Variants in CBLN2 observed in about 807,000 individuals in gnomAD.
CBLN2 encodes cerebellin-2.
In CBLN2, 7 loss-of-function variants were observed where a neutral mutation model predicts 15.0. That is an observed-to-expected ratio of 0.47 (90% CI 0.27 to 0.88). CBLN2 has a LOEUF of 0.88. Among genes scored for constraint, CBLN2 ranks in the 40% least tolerant of loss-of-function variants. The pLI is 0.14. For missense variants in CBLN2, 242 were observed against 304.5 expected (o/e 0.79, Z 1.53); for synonymous variants, 149 against 135.2 (o/e 1.10, Z -0.71).
rs2069372925 is a variant in CBLN2 at position 72,577,080 on chromosome 18, G to C, written c.16-38308C>G. ...TGTGAATATTTAGAATTATAAAAAG[G>C]ATTCGGTCCTTAAAAATTATATGTA... On this transcript the variant is annotated intron_variant, in intron 1 of 2. Transcript: ENST00000581073. Among the ~76,000 whole-genome samples the C allele has an allele frequency of 2.7e-5, 4 of 148,122 alleles. No homozygotes were observed. The South Asian group carries it at 8.4e-4, about 31-fold the overall frequency.
intron 1 of CBLN2, among the ~76,000 whole-genome samples, chr18:72,582,646 T>C (rs73966260): frequency 0.017 from 2,640 of 152,230 alleles, 72 homozygotes; most frequent in African/African-American, 0.06. Context: ...CACACATCCT[T>C]TAATAATTGC....
chr18:72,565,613 A>C (rs912610099), intron 1 of CBLN2, among the ~76,000 whole-genome samples: 1 of 152,190 alleles, frequency 6.6e-6, no homozygotes, highest in Non-Finnish European at 1.5e-5. Flanking sequence ...GCCCCATAAT[A>C]ACAACACATA....
chr18:72,613,200 G>GT (rs1306456130), intron 1 of CBLN2, among the ~76,000 whole-genome samples: 3 of 152,106 alleles, frequency 2.0e-5, no homozygotes, highest in African/African-American at 7.2e-5. Context: ...ATTTCCATAC[G>GT]TGATCACATT....
intron 1 of CBLN2, among the ~76,000 whole-genome samples, chr18:72,624,691 G>C (rs2069723198): frequency 1.3e-5 from 2 of 151,938 alleles, no homozygotes; most frequent in Admixed American, 6.6e-5. Context: ...TCCTGTCTTT[G>C]GTACATCACA....
chr18:72,538,818 C>G (rs756576533), intron 3 of CBLN2, 46 bp from the exon 4 acceptor site: 59 of 1,601,294 alleles, frequency 3.7e-5, no homozygotes, highest in South Asian at 6.7e-5. Context: ...AGCCCCTCCT[C>G]GGTGTATGTT....
chr18:72,576,663 T>C (rs1051795922), intron 1 of CBLN2, among the ~76,000 whole-genome samples: 1 of 152,098 alleles, frequency 6.6e-6, no homozygotes, highest in Non-Finnish European at 1.5e-5. Flanking sequence ...TTATTTAGTA[T>C]CTATTCTGTG....
At chr18:72,625,763 T>C (rs2069732636) in intron 1 of CBLN2, among the ~76,000 whole-genome samples, 1 of 136,346 alleles carries the variant, frequency 7.3e-6, no homozygotes, top group Admixed American at 8.0e-5. Context: ...CTGAAGAGTA[T>C]ATATATATGA....
rs1268357808 is a variant in CBLN2 at position 72,538,512 on chromosome 18, C to T, written c.478-139G>A. The T allele has an allele frequency of 2.8e-6, 4 of 1,426,724 alleles. No homozygotes were observed. In the South Asian group the frequency reaches 5.0e-5, roughly 18 times the overall value. The allele number at this position is 1,426,724 out of a possible 1,614,324, so 88.4% of individuals were successfully genotyped here. A position where few individuals can be genotyped will look rare whatever the true frequency, so the allele number is the denominator to read the frequency against. ...TCAGGGGAGCCTGACAGTGAGCACTCCCAGCTAGTTCAGAGCCACATCACC... is the reference window on the plus strand; with the variant it reads ...TCAGGGGAGCCTGACAGTGAGCACTTCCAGCTAGTTCAGAGCCACATCACC... On this transcript the variant is annotated intron_variant, in intron 4 of 4. Coordinates refer to ENST00000269503, the MANE Select transcript of CBLN2 (RefSeq NM_182511.4).
intron 1 of CBLN2, among the ~76,000 whole-genome samples, chr18:72,588,525 G>A (rs1032165726): frequency 6.6e-6 from 1 of 152,166 alleles, no homozygotes; most frequent in Non-Finnish European, 1.5e-5. Context: ...CACTCACTGT[G>A]CTAATGCTGA....
chr18:72,614,702 A>G (rs1285300983), intron 1 of CBLN2, among the ~76,000 whole-genome samples: 1 of 152,144 alleles, frequency 6.6e-6, no homozygotes, highest in Non-Finnish European at 1.5e-5. Context: ...ATGATATTAA[A>G]TGTAAAGAGA....
intron 1 of CBLN2, among the ~76,000 whole-genome samples, chr18:72,625,808 CTCTCTCTCTCTA>C (rs1464249004): frequency 1.2e-3 from 80 of 64,642 alleles, no homozygotes; most frequent in Non-Finnish European, 2.2e-3. Context: ...CTCTCTCTCT[CTCTCTCTCTCTA>C]TATATATATA....
At chr18:72,587,415 A>G (rs1309236313) in intron 1 of CBLN2, among the ~76,000 whole-genome samples, 1 of 152,098 alleles carries the variant, frequency 6.6e-6, no homozygotes, top group African/African-American at 2.4e-5. Flanking sequence ...TATTGCAGGG[A>G]CTGTTTATTC....
intron 3 of CBLN2, chr18:72,540,193 T>A (rs1379169656): frequency 1.3e-5 from 2 of 152,220 alleles, no homozygotes; most frequent in Non-Finnish European, 2.9e-5. Context: ...GCATTCTCCA[T>A]TTAAGCCTCT....
At chr18:72,636,629 T>G (rs922941076) in intron 1 of CBLN2, among the ~76,000 whole-genome samples, 2 of 152,224 alleles carry the variant, frequency 1.3e-5, no homozygotes, top group Non-Finnish European at 1.5e-5. Context: ...AGGTGGCTTA[T>G]ATTCTCATTC....
intron 1 of CBLN2, among the ~76,000 whole-genome samples, chr18:72,595,311 T>C (rs1466985064): frequency 6.6e-6 from 1 of 152,110 alleles, no homozygotes; most frequent in African/African-American, 2.4e-5. Context: ...AGCATATTCT[T>C]TAATTTTTGT....
At chr18:72,614,362 A>ATCACAACAGATTCTTCAGAGT (rs2069643406) in intron 1 of CBLN2, among the ~76,000 whole-genome samples, 2 of 152,226 alleles carry the variant, frequency 1.3e-5, no homozygotes, top group Non-Finnish European at 2.9e-5. Context: ...TAATGAAAAT[A>ATCACAACAGATTCTTCAGAGT]TCACAACAGA....
chr18:72,602,151 G>T (rs1162844155), intron 1 of CBLN2, among the ~76,000 whole-genome samples: 2 of 152,234 alleles, frequency 1.3e-5, no homozygotes. Context: ...CCCCCCAGAA[G>T]TGGTGCTAGT....
chr18:72,558,135 G>A (rs1190271183), intron 1 of CBLN2, among the ~76,000 whole-genome samples: 2 of 152,166 alleles, frequency 1.3e-5, no homozygotes, highest in African/African-American at 2.4e-5. Flanking sequence ...CTCCTAGAGA[G>A]GATCTATGCT....
intron 1 of CBLN2, chr18:72,625,146 G>A (rs372844702): frequency 5.9e-5 from 9 of 152,076 alleles, no homozygotes; most frequent in Non-Finnish European, 8.8e-5. Context: ...AACTCATATA[G>A]AGAGCTTACC....
Sources: allele counts gnomAD v4.1 joint callset (sites outside exome capture counted in the v4.1 genomes callset), GRCh38; gene constraint gnomAD v4.1.1; transcripts MANE v1.5; gene names NCBI Gene and HGNC (gene_info 2026-07-23, HGNC 2026-07-21).